NWD2: variants seen among roughly 807,000 people sequenced by gnomAD.
The protein encoded by NWD2 is NACHT and WD repeat domain containing 2.
Under a neutral mutation model 132.7 loss-of-function variants are expected in NWD2, and 37 were observed. The observed-to-expected ratio is 0.28, with a 90% CI of 0.21 to 0.37. The LOEUF (loss-of-function observed/expected upper bound fraction) is 0.37. NWD2 is among the 10% of genes least tolerant of loss of function. The pLI is 1.00. For missense variants in NWD2, 1,592 were observed against 2,122.4 expected, an observed-to-expected ratio of 0.75 and a Z score of 4.91; for synonymous variants, 705 against 803.0, an observed-to-expected ratio of 0.88 and a Z score of 2.06.
intron 2 of NWD2, among the ~76,000 whole-genome samples, chr4:37,353,355 G>A (rs1016204397): frequency 6.6e-6 from 1 of 152,072 alleles, no homozygotes; most frequent in African/African-American, 2.4e-5. Flanking sequence ...TATCTGTGTG[G>A]TGTTCTCTGA....
intron 1 of NWD2, among the ~76,000 whole-genome samples, chr4:37,280,611 T>C (rs144602782): frequency 2.0e-5 from 3 of 152,270 alleles, no homozygotes; most frequent in African/African-American, 7.2e-5. Context: ...CTCTGTACTG[T>C]GTCAGTCAAG....
chr4:37,445,267 C>A lies in NWD2; in HGVS notation c.3279C>A (p.Tyr1093Ter). The A allele has an allele frequency of 6.4e-7, 1 of 1,551,874 alleles. No individual in the cohort carries two copies. The highest frequency in any genetic ancestry group is 1.2e-5 in the South Asian group (1 of 84,062). Residue 1093 changes from tyrosine (Y) to a stop codon, truncating the protein, a stop_gained, in exon 7 of 7, where the codon TAC becomes TAA. Coordinates refer to ENST00000309447, the MANE Select transcript of NWD2 (RefSeq NM_001144990.2). LOFTEE classifies it high-confidence loss of function. The surrounding 1 kb of genome is among the most constrained non-coding windows in gnomAD (Gnocchi z 4.7). ...VIDLLYGWPL[Y>*]QFHCWYEVTC... is the part of the protein sequence containing the mutation. ...ATCTGCTGTACGGATGGCCGCTTTA[C>A]CAGTTCCACTGCTGGTATGAAGTGA...
At chr4:37,384,486 G>T (rs1720520141) in intron 3 of NWD2, among the ~76,000 whole-genome samples, 1 of 152,130 alleles carries the variant, frequency 6.6e-6, no homozygotes, top group Admixed American at 6.5e-5. Context: ...CAGAGCCTTT[G>T]GCAAGCCACA....
At chr4:37,261,621 T>A (rs1180893343) in intron 1 of NWD2, among the ~76,000 whole-genome samples, 1 of 152,252 alleles carries the variant, frequency 6.6e-6, no homozygotes, top group African/African-American at 2.4e-5. Flanking sequence ...TAAATAACTA[T>A]GTTTACATAA....
intron 1 of NWD2, among the ~76,000 whole-genome samples, chr4:37,314,242 G>A (rs1263946884): frequency 1.3e-5 from 2 of 152,052 alleles, no homozygotes; most frequent in South Asian, 2.1e-4. Flanking sequence ...TATATTGGTC[G>A]GTAGTTTTTG....
chr4:37,444,957 C>G lies in NWD2; in HGVS notation c.2969C>G (p.Ser990Cys). 6.4e-7 allele frequency: 1 copy of G among 1,552,180 alleles called. No homozygotes were observed. The highest frequency in any genetic ancestry group is 8.7e-7 in the Non-Finnish European group (1 of 1,147,112). ...STVLTALENG[S>C]ISTWDVETRQ... is the part of the protein sequence containing the mutation. Reference sequence around the variant, plus strand: ...GTCCTCACAGCTTTAGAAAATGGTTCCATCAGCACCTGGGATGTAGAGACT... The same window carrying G: ...GTCCTCACAGCTTTAGAAAATGGTTGCATCAGCACCTGGGATGTAGAGACT... The change falls in exon 7 of 7, where the codon TCC becomes TGC. Residue 990 changes from serine to cysteine, a missense_variant. By Grantham distance (112) the Ser-to-Cys change is moderately radical (BLOSUM62 -1). Transcript: ENST00000309447. This position sits in a 1 kb window ranked among gnomAD's most constrained non-coding sequence, Gnocchi z 4.8.
At chr4:37,357,371 C>T (rs933885051) in intron 3 of NWD2, among the ~76,000 whole-genome samples, 1 of 152,090 alleles carries the variant, frequency 6.6e-6, no homozygotes, top group Admixed American at 6.5e-5. Context: ...TATTTGGCTC[C>T]GCATAGGATT....
At chr4:37,264,371 A>G (rs546831850) in intron 1 of NWD2, among the ~76,000 whole-genome samples, 2 of 151,974 alleles carry the variant, frequency 1.3e-5, no homozygotes, top group African/African-American at 2.4e-5. Flanking sequence ...ATGTTCCTCT[A>G]CCTCCCTCCT....
chr4:37,284,099 G>A (rs535061043), intron 1 of NWD2, among the ~76,000 whole-genome samples: 11 of 152,184 alleles, frequency 7.2e-5, no homozygotes, highest in African/African-American at 2.2e-4. Flanking sequence ...CATATATTGG[G>A]TGGCTCATAA....
intron 1 of NWD2, among the ~76,000 whole-genome samples, chr4:37,303,741 G>GATTCTTTTTCAGCTAGTA (rs1162936978): frequency 6.6e-6 from 1 of 151,826 alleles, no homozygotes. Context: ...AGTTCGTTTT[G>GATTCTTTTTCAGCTAGTA]GTGTATAGAA....
At chr4:37,250,156 G>GTA (rs1390886605) in intron 1 of NWD2, among the ~76,000 whole-genome samples, 1 of 114,614 alleles carries the variant, frequency 8.7e-6, no homozygotes, top group Non-Finnish European at 1.8e-5. Flanking sequence ...ATATGTGTGT[G>GTA]TATACACACA....
intron 1 of NWD2, among the ~76,000 whole-genome samples, chr4:37,316,804 C>T (rs767037441): frequency 6.6e-6 from 1 of 152,084 alleles, no homozygotes; most frequent in Admixed American, 6.6e-5. Flanking sequence ...GTTTATTTAT[C>T]CCTCTCATAA....
chr4:37,379,930 A>G (rs1370558448), intron 3 of NWD2, among the ~76,000 whole-genome samples: 1 of 152,214 alleles, frequency 6.6e-6, no homozygotes, highest in African/African-American at 2.4e-5. Flanking sequence ...TATATTACAT[A>G]TATTAGCACT....
At chr4:37,372,223 G>T (rs1577682380) in intron 3 of NWD2, among the ~76,000 whole-genome samples, 1 of 152,112 alleles carries the variant, frequency 6.6e-6, no homozygotes, top group South Asian at 2.1e-4. Context: ...GTGAGTTAAG[G>T]ATCTATATAA....
intron 2 of NWD2, among the ~76,000 whole-genome samples, chr4:37,344,633 A>G (rs76089024): frequency 1.4e-4 from 21 of 152,270 alleles, no homozygotes; most frequent in Non-Finnish European, 2.4e-4. Context: ...TACCCTGATC[A>G]TTTGGTTCAC....
chr4:37,299,751 C>T (rs552526321), intron 1 of NWD2, among the ~76,000 whole-genome samples: 1 of 152,230 alleles, frequency 6.6e-6, no homozygotes, highest in East Asian at 1.9e-4. Flanking sequence ...GAAAGGACAG[C>T]TGCATTTTGG....
intron 1 of NWD2, among the ~76,000 whole-genome samples, chr4:37,297,718 A>G (rs543518264): frequency 1.3e-5 from 2 of 152,140 alleles, no homozygotes; most frequent in African/African-American, 4.8e-5. Context: ...AGGACTATAC[A>G]TCAGTTATTT....
intron 3 of NWD2, among the ~76,000 whole-genome samples, chr4:37,400,967 T>C (rs1312357153): frequency 1.3e-5 from 2 of 152,200 alleles, no homozygotes; most frequent in African/African-American, 4.8e-5. Context: ...TTAAGCATTC[T>C]TCAGTGACCT....
chr4:37,397,788 C>CCTCTCT (rs113226816), intron 3 of NWD2, among the ~76,000 whole-genome samples: 1 of 148,784 alleles, frequency 6.7e-6, no homozygotes, highest in Admixed American at 6.7e-5. Flanking sequence ...CTGGGAACAG[C>CCTCTCT]CTCTCTCTCT....
Sources: allele counts gnomAD v4.1 joint callset (sites outside exome capture counted in the v4.1 genomes callset), GRCh38; gene constraint gnomAD v4.1.1; non-coding constraint Gnocchi (gnomAD v3.1); transcripts MANE v1.5; gene names NCBI Gene and HGNC (gene_info 2026-07-23, HGNC 2026-07-21).